The following ATXN7 variants were observed in gnomAD, a reference collection of about 807,000 sequenced individuals.
ATXN7 encodes ataxin-7.
In ATXN7, 12 loss-of-function variants were observed where a neutral mutation model predicts 70.5. That is an observed-to-expected ratio of 0.17 (90% CI 0.11 to 0.28). The LOEUF (loss-of-function observed/expected upper bound fraction) is 0.28. ATXN7 is among the 10% of genes least tolerant of loss of function. The pLI, the probability that ATXN7 is intolerant of heterozygous loss-of-function variation, is 1.00. For synonymous variants in ATXN7, 498 were observed against 448.7 expected, an observed-to-expected ratio of 1.11 and a Z score of -1.39; for missense variants, 1,256 against 1,131.7, an observed-to-expected ratio of 1.11 and a Z score of -1.58.
chr3:63,989,278 A>G (rs1423864027), intron 9 of ATXN7, among the ~76,000 whole-genome samples: 1 of 152,192 alleles, frequency 6.6e-6, no homozygotes, highest in Non-Finnish European at 1.5e-5. Flanking sequence ...CTTCTCATTG[A>G]AGTTTTTGCA....
intron 9 of ATXN7, among the ~76,000 whole-genome samples, chr3:63,989,381 T>A (rs2075630382): frequency 6.6e-6 from 1 of 152,244 alleles, no homozygotes; most frequent in African/African-American, 2.4e-5. Context: ...GCTATCCACA[T>A]AAAGTGGTAA....
chr3:63,991,866 G>A (rs77507938), intron 11 of ATXN7, among the ~76,000 whole-genome samples: 3,555 of 152,106 alleles, frequency 0.023, 76 homozygotes, highest in African/African-American at 0.058. Context: ...ACTTGTCAGA[G>A]CCTTAATGGG....
intron 4 of ATXN7, among the ~76,000 whole-genome samples, chr3:63,940,728 A>T (rs186875358): frequency 6.6e-5 from 10 of 152,314 alleles, no homozygotes; most frequent in Admixed American, 2.6e-4. Flanking sequence ...CTGTATGCCT[A>T]GATGTGCCTA....
chr3:63,961,644 ATATAGAACTTT>A (rs1297237900), intron 5 of ATXN7, among the ~76,000 whole-genome samples: 2 of 152,120 alleles, frequency 1.3e-5, no homozygotes, highest in African/African-American at 4.8e-5. Context: ...TACTGTAAAT[ATATAGAACTTT>A]TATTTGTCAT....
At chr3:63,865,964 G>C (rs1018012894) in intron 1 of ATXN7, among the ~76,000 whole-genome samples, 7 of 132,640 alleles carry the variant, frequency 5.3e-5, no homozygotes, top group Non-Finnish European at 7.9e-5. Flanking sequence ...TTTTTTAAGT[G>C]TTTCTTAATC....
At chr3:63,909,910 T>G (rs1703954447) in intron 2 of ATXN7, among the ~76,000 whole-genome samples, 1 of 152,252 alleles carries the variant, frequency 6.6e-6, no homozygotes, top group African/African-American at 2.4e-5. Flanking sequence ...TTTATAGTGC[T>G]TATTTATGAG....
intron 5 of ATXN7, among the ~76,000 whole-genome samples, chr3:63,967,545 A>G (rs927926406): frequency 6.6e-6 from 1 of 152,206 alleles, no homozygotes; most frequent in African/African-American, 2.4e-5. Context: ...TTTGTAATAT[A>G]CCTGGTAGTA....
At chr3:63,865,893 T>TAAAA (rs1295331528) in intron 1 of ATXN7, among the ~76,000 whole-genome samples, 1 of 9,974 alleles carries the variant, frequency 1.0e-4, no homozygotes, top group African/African-American at 3.6e-4. Context: ...AGACTCCATC[T>TAAAA]CAAAAAAAAA....
At chr3:63,943,911 A>G (rs17069517) in intron 4 of ATXN7, among the ~76,000 whole-genome samples, 2,969 of 152,130 alleles carry the variant, frequency 0.02, 102 homozygotes, top group African/African-American at 0.066. Context: ...TGCCTTCCTT[A>G]CCTAGGTCAA....
At position 63,979,920 on chromosome 3, in the gene ATXN7, A is replaced by C; in HGVS notation, c.505A>C (p.Arg169=). Residue 169 remains arginine, a synonymous_variant, in exon 6 of 13, where the codon AGA becomes CGA. Transcript: ENST00000674280. The part of the protein sequence containing the change: ...PQAFQSHYER[R]HSSSSKPPLA... ...TTCTTTGCTTTCGTTTTCAGAAAGA[A>C]GACATAGCTCATCCAGCAAGCCGCC... is the stretch of plus-strand genomic sequence containing the variant. 1 of 1,614,114 alleles carries C rather than the reference A, an allele frequency of 6.2e-7. No homozygotes were observed. Among genetic ancestry groups the C allele is most frequent in the East Asian group, 2.2e-5 (1 of 44,882 alleles).
chr3:63,913,083 C>T lies in ATXN7; in HGVS notation c.326-74C>T. ...CGGAGGTGCCCACACCTACCCCGTG[C>T]GTGCGTGAGTGTGCGTCACACTCCT... On this transcript the variant is annotated intron_variant, in intron 3 of 12. Transcript: ENST00000674280. The T allele has an allele frequency of 3.9e-6, 6 of 1,519,576 alleles. No homozygotes were observed. In the South Asian group the frequency reaches 6.8e-5, roughly 17 times the overall value. The allele number at this position is 1,519,576 out of a possible 1,614,324, so 94.1% of individuals were successfully genotyped here.
intron 9 of ATXN7, 42 bp downstream of exon 9, chr3:63,988,366 G>A: frequency 6.2e-7 from 1 of 1,609,466 alleles, no homozygotes; most frequent in Non-Finnish European, 8.5e-7. Context: ...CTTCAGAGAT[G>A]AGACTTGCAG....
In ATXN7 at chr3:63,936,142, C is replaced by G. The variant is rs2074658215; in HGVS notation, c.395-16237C>G. The stretch of plus-strand genomic sequence containing the variant: ...AAGTACCTTAAACATAGTAAACACA[C>G]AAATAATTGTGGAACGTTAGTCGCT... On this transcript the variant is annotated intron_variant, in intron 4 of 12. Coordinates refer to ENST00000674280, the MANE Select transcript of ATXN7 (RefSeq NM_001377405.1). Among the ~76,000 whole-genome samples, 4 of 152,180 alleles carry G rather than the reference C, an allele frequency of 2.6e-5. No homozygotes were observed. The South Asian group carries it at 8.3e-4, about 31-fold the overall frequency.
intron 5 of ATXN7, among the ~76,000 whole-genome samples, chr3:63,975,938 G>A (rs918069031): frequency 1.3e-5 from 2 of 152,180 alleles, no homozygotes; most frequent in East Asian, 1.9e-4. Context: ...TCTGTCAGTC[G>A]GCCTGTCTCT....
chr3:63,931,146 C>T (rs1704938124), intron 4 of ATXN7, among the ~76,000 whole-genome samples: 2 of 151,710 alleles, frequency 1.3e-5, no homozygotes, highest in Non-Finnish European at 2.9e-5. Context: ...ACTGTGTTGC[C>T]CAGGCTGATC....
chr3:63,933,183 G>A (rs1315552279), intron 4 of ATXN7, among the ~76,000 whole-genome samples: 1 of 152,198 alleles, frequency 6.6e-6, no homozygotes. Context: ...AGAGAAGTAT[G>A]TTTTATGGCT....
At chr3:63,957,788 C>T (rs753375345) in intron 5 of ATXN7, among the ~76,000 whole-genome samples, 11 of 152,140 alleles carry the variant, frequency 7.2e-5, no homozygotes, top group Non-Finnish European at 1.3e-4. Context: ...GAGAGTGATA[C>T]CTACTCCATA....
chr3:63,900,934 C>G (rs1307396885), intron 2 of ATXN7: 1 of 152,260 alleles, frequency 6.6e-6, no homozygotes, highest in Non-Finnish European at 1.5e-5. Flanking sequence ...CTGTGAGAAA[C>G]CATCCGGTCC....
rs371172259 is a variant in ATXN7, at chr3:63,952,769, G to A, written c.499+286G>A. 2.7e-4 allele frequency among the ~76,000 whole-genome samples: 39 copies of A among 146,946 alleles called. No individual in the cohort carries two copies. In the South Asian group the frequency reaches 7.5e-3, roughly 28 times the overall value. On this transcript the variant is annotated intron_variant, in intron 5 of 12. Coordinates refer to ENST00000674280, the MANE Select transcript of ATXN7 (RefSeq NM_001377405.1). ...TATAATTACAAGTTTGTTTCCTTCT[G>A]GAGCCCCTGGTTGTGAATTCAGTGG...
Sources: allele counts gnomAD v4.1 joint callset (sites outside exome capture counted in the v4.1 genomes callset), GRCh38; gene constraint gnomAD v4.1.1; transcripts MANE v1.5; gene names NCBI Gene and HGNC (gene_info 2026-07-23, HGNC 2026-07-21).